SLC30A7: variants seen among roughly 807,000 people sequenced by gnomAD.
SLC30A7 encodes the protein solute carrier family 30 member 7.
In SLC30A7, 35 loss-of-function variants were observed where a neutral mutation model predicts 46.0. The ratio of observed to expected loss-of-function variants is 0.76; its 90% confidence interval spans 0.58 to 1.01. The LOEUF (loss-of-function observed/expected upper bound fraction) is 1.01. SLC30A7 is among the 50% of genes least tolerant of loss of function. The probability of loss-of-function intolerance (pLI) is 0.00; values close to 1 mark genes in which losing one functional copy is unlikely to be tolerated. For synonymous variants in SLC30A7, 147 were observed against 157.8 expected (o/e 0.93, Z 0.51); for missense variants, 464 against 451.1 (o/e 1.03, Z -0.26).
At chr1:100,915,252 T>TCTTCCTTC (rs1224174158) in intron 6 of SLC30A7, among the ~76,000 whole-genome samples, 1 of 141,092 alleles carries the variant, frequency 7.1e-6, no homozygotes, top group Non-Finnish European at 1.6e-5. Context: ...TTTCTTTCTT[T>TCTTCCTTC]CTTCCTTTCT....
intron 6 of SLC30A7, among the ~76,000 whole-genome samples, chr1:100,917,426 C>T (rs182715680): frequency 2.4e-4 from 36 of 152,188 alleles, no homozygotes; most frequent in African/African-American, 7.9e-4. Flanking sequence ...ATAGTAGGTA[C>T]ATTGTTAGTT....
intron 7 of SLC30A7, among the ~76,000 whole-genome samples, chr1:100,918,377 C>T (rs2101028219): frequency 6.6e-6 from 1 of 152,270 alleles, no homozygotes; most frequent in African/African-American, 2.4e-5. Context: ...CTTGGCATGT[C>T]CCCACAATCC....
intron 8 of SLC30A7, among the ~76,000 whole-genome samples, chr1:100,944,745 T>C (rs536381822): frequency 6.6e-6 from 1 of 150,908 alleles, no homozygotes; most frequent in South Asian, 2.1e-4. Flanking sequence ...TCTGCTATTG[T>C]GAATAGTGCC....
intron 8 of SLC30A7, among the ~76,000 whole-genome samples, chr1:100,958,827 G>A (rs1288779008): frequency 6.6e-6 from 1 of 152,180 alleles, no homozygotes; most frequent in Non-Finnish European, 1.5e-5. Flanking sequence ...TCTGGTTAGA[G>A]GGAGGGGGAA....
In SLC30A7 at chr1:100,906,979, A is replaced by G. The variant is rs749600792; in HGVS notation, c.296+14A>G. On this transcript the variant is annotated intron_variant, in intron 3 of 10. Transcript: ENST00000357650. ...TTTCTCCTATGGGTAAGACTTTAAGAAAAAAAATCTTTTTATTGAAGTATA... is the reference window on the plus strand; with the variant it reads ...TTTCTCCTATGGGTAAGACTTTAAGGAAAAAAATCTTTTTATTGAAGTATA... 1.6e-5 allele frequency: 24 copies of G among 1,523,506 alleles called. No individual in the cohort carries two copies. The highest frequency in any genetic ancestry group is 1.7e-4 in the Middle Eastern group (1 of 5,864). The allele number at this position is 1,523,506 out of a possible 1,614,324, so 94.4% of individuals were successfully genotyped here.
intron 9 of SLC30A7, among the ~76,000 whole-genome samples, chr1:100,962,122 G>GA (rs1655583209): frequency 6.6e-6 from 1 of 152,178 alleles, no homozygotes; most frequent in South Asian, 2.1e-4. Context: ...GGTAGAAATT[G>GA]TTCTGATCTA....
rs41312670 is a variant in SLC30A7, at chr1:100,977,875, C to A, written c.*3018C>A. ...TTCAAGTGATTCTCCTGTCTCAGCT[C>A]CCTGAGTAACTGGAATTACAGGTGC... On this transcript the variant is annotated 3_prime_UTR_variant, in exon 11 of 11. Coordinates refer to ENST00000357650, the MANE Select transcript of SLC30A7 (RefSeq NM_133496.5). 1.3e-5 allele frequency: 2 copies of A among 152,062 alleles called. No homozygotes were observed. The highest frequency in any genetic ancestry group is 1.3e-4 in the Admixed American group (2 of 15,250). The allele number at this position is 152,062 out of a possible 1,614,324, so 9.4% of individuals were successfully genotyped here.
the SLC30A7 span, chr1:100,990,636 TAA>T: frequency 1.4e-6 from 2 of 1,473,548 alleles, no homozygotes; most frequent in Non-Finnish European, 1.8e-6. Flanking sequence ...TAACTGCTAT[TAA>T]AAAAAAAAGA....
At chr1:100,991,165 T>C in the SLC30A7 span, among the ~76,000 whole-genome samples, 1 of 152,234 alleles carries the variant, frequency 6.6e-6, no homozygotes, top group Non-Finnish European at 1.5e-5. Flanking sequence ...AGATAGTAGA[T>C]ATGAGACTAG....
At chr1:100,911,260 AT>A in intron 4 of SLC30A7, 110 bp downstream of exon 4, 1 of 717,502 alleles carries the variant, frequency 1.4e-6, no homozygotes, top group Non-Finnish European at 2.2e-6. Context: ...ATTGTGGACA[AT>A]CTTAGATTAG....
At chr1:100,931,179 AT>A (rs1557990675) in intron 8 of SLC30A7, among the ~76,000 whole-genome samples, 1 of 152,170 alleles carries the variant, frequency 6.6e-6, no homozygotes, top group African/African-American at 2.4e-5. Flanking sequence ...TTCAGCAAAA[AT>A]TCGGTAGTTT....
chr1:100,963,316 G>T (rs1171120199), intron 9 of SLC30A7, among the ~76,000 whole-genome samples: 1 of 152,154 alleles, frequency 6.6e-6, no homozygotes, highest in Non-Finnish European at 1.5e-5. Flanking sequence ...AACCAGAAGA[G>T]TGTAGGATCA....
intron 3 of SLC30A7, among the ~76,000 whole-genome samples, chr1:100,908,221 C>T (rs947696636): frequency 5.9e-5 from 9 of 151,714 alleles, no homozygotes; most frequent in Middle Eastern, 6.8e-3. Context: ...CTTAACTGCT[C>T]CCCCTTTCTC....
At chr1:100,900,018 G>C (rs1239565635) in intron 2 of SLC30A7, among the ~76,000 whole-genome samples, 1 of 152,080 alleles carries the variant, frequency 6.6e-6, no homozygotes. Context: ...TTGAGAGAGA[G>C]AGAGAGAGAG....
chr1:100,912,802 C>A (rs148846954), intron 5 of SLC30A7, among the ~76,000 whole-genome samples: 2 of 151,226 alleles, frequency 1.3e-5, no homozygotes, highest in African/African-American at 4.9e-5. Context: ...CGCTTGAGCC[C>A]GGGAGGTGGA....
intron 6 of SLC30A7, among the ~76,000 whole-genome samples, chr1:100,915,193 T>TTTCCTTTCTTTC (rs1436015312): frequency 2.2e-5 from 2 of 90,788 alleles, no homozygotes; most frequent in South Asian, 4.1e-4. Flanking sequence ...CTTTTCTTTC[T>TTTCCTTTCTTTC]TTTCTTTCTT....
rs1003362084 is a variant in SLC30A7 at position 100,978,335 on chromosome 1, C to T, written c.*3478C>T. The T allele has an allele frequency of 6.6e-6, 1 of 152,184 alleles. No individual in the cohort carries two copies. The highest frequency in any genetic ancestry group is 6.5e-5 in the Admixed American group (1 of 15,272). The allele number at this position is 152,184 out of a possible 1,614,324, so 9.4% of individuals were successfully genotyped here. A position where few individuals can be genotyped will look rare whatever the true frequency, so the allele number is the denominator to read the frequency against. ...ACTCAAAATGTATTTGATCACAGTTCTATAATGTTTTTACCTACCTATTAT... is the reference window on the plus strand; with the variant it reads ...ACTCAAAATGTATTTGATCACAGTTTTATAATGTTTTTACCTACCTATTAT... On this transcript the variant is annotated 3_prime_UTR_variant, in exon 11 of 11. Transcript: ENST00000357650.
In SLC30A7 at chr1:100,963,219, T is replaced by C. The variant is rs149386336; in HGVS notation, c.933+1301T>C. On this transcript the variant is annotated intron_variant, in intron 9 of 10. Transcript: ENST00000357650. ...TTTATTACCTCCGGAGAAGTTCTAG[T>C]TCTACTCTTTTAGCTCTGCTTTCAA... is the stretch of plus-strand genomic sequence containing the variant. Among the ~76,000 whole-genome samples the C allele has an allele frequency of 5.4e-3, 818 of 152,314 alleles. 6 individuals carry two copies. The highest frequency in any genetic ancestry group is 0.019 in the African/African-American group (773 of 41,570).
chr1:100,959,794 C>T (rs1353004963), intron 8 of SLC30A7, among the ~76,000 whole-genome samples: 2 of 152,140 alleles, frequency 1.3e-5, no homozygotes, highest in Admixed American at 1.3e-4. Context: ...TTACATAGGG[C>T]ATGAATACTA....
Sources: allele counts gnomAD v4.1 joint callset (sites outside exome capture counted in the v4.1 genomes callset), GRCh38; gene constraint gnomAD v4.1.1; transcripts MANE v1.5; gene names NCBI Gene and HGNC (gene_info 2026-07-23, HGNC 2026-07-21).